Variants in PHACTR1 observed in about 807,000 individuals in gnomAD.
PHACTR1 encodes the protein RPEL repeat containing 1.
PHACTR1 carries 16 observed loss-of-function variants against 69.2 expected under a neutral mutation model. That is an observed-to-expected ratio of 0.23 (90% confidence interval 0.16 to 0.35). PHACTR1 has a LOEUF of 0.35. PHACTR1 is among the 10% of genes least tolerant of loss of function. The pLI is 1.00. For missense variants in PHACTR1, 510 were observed against 734.7 expected, an observed-to-expected ratio of 0.69 and a Z score of 3.54; for synonymous variants, 312 against 284.5, an observed-to-expected ratio of 1.10 and a Z score of -0.97.
chr6:13,266,708 T>G (rs1362173489), intron 10 of PHACTR1: 1 of 152,300 alleles, frequency 6.6e-6, no homozygotes, highest in East Asian at 1.9e-4. Context: ...GGAAGGGTGC[T>G]ACACACTTTT....
chr6:13,075,474 T>C (rs1404305695), intron 5 of PHACTR1, among the ~76,000 whole-genome samples: 3 of 152,166 alleles, frequency 2.0e-5, no homozygotes, highest in African/African-American at 7.2e-5. Flanking sequence ...TGTTACTGAC[T>C]TGAGGTTCTT....
intron 11 of PHACTR1, chr6:13,273,672 A>C (rs1778231546): frequency 6.6e-6 from 1 of 152,226 alleles, no homozygotes. Flanking sequence ...GCGTCAGTTT[A>C]GTGGTAGATA....
chr6:13,082,407 A>G (rs1487812177), intron 5 of PHACTR1, among the ~76,000 whole-genome samples: 1 of 152,204 alleles, frequency 6.6e-6, no homozygotes, highest in Non-Finnish European at 1.5e-5. Context: ...TGTGTTAGCC[A>G]TAGGAATCTG....
chr6:13,216,090 G>A (rs768331229), intron 8 of PHACTR1, among the ~76,000 whole-genome samples: 2 of 152,104 alleles, frequency 1.3e-5, no homozygotes, highest in African/African-American at 2.4e-5. Flanking sequence ...TATTGAAAAA[G>A]GAATCATTTT....
intron 4 of PHACTR1, among the ~76,000 whole-genome samples, chr6:12,995,429 A>G (rs1797313373): frequency 6.6e-6 from 1 of 152,094 alleles, no homozygotes; most frequent in Non-Finnish European, 1.5e-5. Context: ...GAAAAAAAAC[A>G]TGATGCACCA....
At chr6:12,909,909 A>G (rs1031374574) in intron 4 of PHACTR1, among the ~76,000 whole-genome samples, 4 of 152,212 alleles carry the variant, frequency 2.6e-5, no homozygotes, top group African/African-American at 9.6e-5. Context: ...TCTAACAAAC[A>G]ACCATTGGTG....
chr6:12,788,224 C>G (rs758950476), intron 4 of PHACTR1, among the ~76,000 whole-genome samples: 43 of 147,306 alleles, frequency 2.9e-4, no homozygotes, highest in Middle Eastern at 6.9e-3. Flanking sequence ...GCTTCCCTCC[C>G]CAAGTTCCCT....
At chr6:12,822,740 GA>G (rs1776363641) in intron 4 of PHACTR1, among the ~76,000 whole-genome samples, 1 of 152,146 alleles carries the variant, frequency 6.6e-6, no homozygotes, top group South Asian at 2.1e-4. Flanking sequence ...CTTCTAGCCA[GA>G]AGCAGCCCAA....
intron 5 of PHACTR1, among the ~76,000 whole-genome samples, chr6:13,095,043 G>T (rs1018790249): frequency 6.6e-6 from 1 of 152,166 alleles, no homozygotes; most frequent in African/African-American, 2.4e-5. Context: ...TAAAAAAGAG[G>T]TCATGTGAAT....
At chr6:12,927,625 C>T (rs1045528144) in intron 4 of PHACTR1, among the ~76,000 whole-genome samples, 1 of 152,142 alleles carries the variant, frequency 6.6e-6, no homozygotes, top group Admixed American at 6.5e-5. Flanking sequence ...TGTTTAATTC[C>T]AGAATCTGGG....
chr6:13,189,075 T>A (rs928212410), intron 7 of PHACTR1, among the ~76,000 whole-genome samples: 1 of 152,266 alleles, frequency 6.6e-6, no homozygotes, highest in African/African-American at 2.4e-5. Context: ...CTATGCCTTC[T>A]GCATAAGGTA....
chr6:13,214,325 A>G (rs1767354277), intron 8 of PHACTR1: 1 of 152,332 alleles, frequency 6.6e-6, no homozygotes, highest in African/African-American at 2.4e-5. Flanking sequence ...GAAACAACGT[A>G]CAAAGTTCCT....
chr6:12,874,402 C>T (rs1782342856), intron 4 of PHACTR1, among the ~76,000 whole-genome samples: 1 of 152,188 alleles, frequency 6.6e-6, no homozygotes, highest in African/African-American at 2.4e-5. Context: ...TGAAAAGCCT[C>T]ATTTCAGTAA....
chr6:12,808,841 C>G lies in PHACTR1; in HGVS notation c.250+59051C>G, dbSNP rs1341749359. ...TTATCCCCTTCCCCCTCCCCCTCCTCCTCCTCCTCCTTCTTCTTCTTTTCT... is the reference window on the plus strand; with the variant it reads ...TTATCCCCTTCCCCCTCCCCCTCCTGCTCCTCCTCCTTCTTCTTCTTTTCT... On this transcript the variant is annotated intron_variant, in intron 4 of 14. Coordinates refer to ENST00000332995, the MANE Select transcript of PHACTR1 (RefSeq NM_030948.6). Among the ~76,000 whole-genome samples the G allele has an allele frequency of 2.6e-5, 4 of 151,230 alleles. No individual in the cohort carries two copies. The South Asian group carries it at 6.4e-4, about 24-fold the overall frequency.
At chr6:13,166,309 C>T (rs572524312) in intron 6 of PHACTR1, among the ~76,000 whole-genome samples, 13 of 152,294 alleles carry the variant, frequency 8.5e-5, no homozygotes, top group Middle Eastern at 3.4e-3. Flanking sequence ...CACCTTCAGA[C>T]GCCTGTAAAT....
At chr6:13,041,990 A>G (rs1804253980) in intron 4 of PHACTR1, among the ~76,000 whole-genome samples, 1 of 152,248 alleles carries the variant, frequency 6.6e-6, no homozygotes, top group Non-Finnish European at 1.5e-5. Context: ...ACACAAGTCT[A>G]TAAGACCTTA....
Position 13,230,058 on chromosome 6 carries a change from G to T in PHACTR1, c.1256G>T (p.Cys419Phe), listed in dbSNP as rs1468591163. Residue 419 changes from cysteine (C) to phenylalanine (F), a missense_variant, in exon 10 of 15, where the codon TGC (cysteine) becomes TTC (phenylalanine). Transcript: ENST00000332995. ...LYTSSLAMKVCRKDSLAIKLS... is the reference protein window; with the variant it reads ...LYTSSLAMKVFRKDSLAIKLS... ...ACAGGCTCCCTGGCCATGAAGGTCT[G>T]CAGGAAGGACTCCTTAGCCATCAAA... The T allele has an allele frequency of 5.6e-6, 9 of 1,610,522 alleles. No individual in the cohort carries two copies. The highest frequency in any genetic ancestry group is 6.8e-6 in the Non-Finnish European group (8 of 1,178,484).
At chr6:13,239,300 TACA>T (rs1286632194) in intron 10 of PHACTR1, among the ~76,000 whole-genome samples, 1 of 152,240 alleles carries the variant, frequency 6.6e-6, no homozygotes, top group African/African-American at 2.4e-5. Context: ...TATTGAGTTC[TACA>T]ACATTTGTAC....
chr6:13,270,950 G>T (rs1276193291), intron 10 of PHACTR1, among the ~76,000 whole-genome samples: 1 of 151,970 alleles, frequency 6.6e-6, no homozygotes, highest in Admixed American at 6.5e-5. Context: ...CACATCACAT[G>T]GCAAAAGCAG....
Sources: gnomAD v4.1 joint callset for allele counts (sites outside exome capture counted in the v4.1 genomes callset) on GRCh38, gnomAD v4.1.1 for gene constraint, MANE v1.5 for transcripts, NCBI Gene and HGNC (gene_info 2026-07-23, HGNC 2026-07-21) for gene names.